The following XKR6 variants were observed in gnomAD, a reference collection of about 807,000 sequenced individuals.
XKR6 encodes the protein XK-related protein 6.
Under a neutral mutation model 56.7 loss-of-function variants are expected in XKR6, and 22 were observed. The ratio of observed to expected loss-of-function variants is 0.39; its 90% CI spans 0.28 to 0.55. The LOEUF is 0.55. Among genes scored for constraint, XKR6 ranks in the 20% least tolerant of loss-of-function variants. XKR6 has a pLI of 0.66. For missense variants in XKR6, 852 were observed against 889.0 expected (o/e 0.96, Z 0.53); for synonymous variants, 524 against 387.8 (o/e 1.35, Z -4.13).
At chr8:11,103,894 T>C (rs1798578876) in intron 1 of XKR6, among the ~76,000 whole-genome samples, 1 of 152,270 alleles carries the variant, frequency 6.6e-6, no homozygotes, top group South Asian at 2.1e-4. Flanking sequence ...TTCAAAATTT[T>C]AATGGCAAAG....
intron 1 of XKR6, among the ~76,000 whole-genome samples, chr8:11,175,757 T>C (rs73530569): frequency 0.049 from 7,402 of 152,272 alleles, 606 homozygotes; most frequent in African/African-American, 0.17. Context: ...CTATGCTTCC[T>C]TCTCCTACTA....
At chr8:10,945,862 A>T (rs962583047) in intron 1 of XKR6, among the ~76,000 whole-genome samples, 8 of 151,892 alleles carry the variant, frequency 5.3e-5, no homozygotes, top group Non-Finnish European at 1.0e-4. Context: ...AGCTCATGGG[A>T]ACTCCCAGCT....
chr8:10,911,047 A>T (rs1800342820), intron 2 of XKR6, among the ~76,000 whole-genome samples: 1 of 152,150 alleles, frequency 6.6e-6, no homozygotes, highest in African/African-American at 2.4e-5. Flanking sequence ...ATGCTCTGGA[A>T]AGGACACAGG....
chr8:10,962,740 C>T (rs1416734585), intron 1 of XKR6, among the ~76,000 whole-genome samples: 1 of 152,126 alleles, frequency 6.6e-6, no homozygotes, highest in Non-Finnish European at 1.5e-5. Context: ...ATTCTCCTGC[C>T]TCAGCCTCCC....
At chr8:10,981,788 A>G (rs1797740803) in intron 1 of XKR6, among the ~76,000 whole-genome samples, 1 of 152,242 alleles carries the variant, frequency 6.6e-6, no homozygotes, top group South Asian at 2.1e-4. Flanking sequence ...TCTTTTGCCA[A>G]TTATTCCTTC....
chr8:11,101,969 G>C, intron 1 of XKR6, among the ~76,000 whole-genome samples: 1 of 152,142 alleles, frequency 6.6e-6, no homozygotes, highest in South Asian at 2.1e-4. Flanking sequence ...ATAATGTCAC[G>C]GATGCCATCT....
chr8:11,170,955 T>C (rs1023896864), intron 1 of XKR6, among the ~76,000 whole-genome samples: 3 of 152,372 alleles, frequency 2.0e-5, no homozygotes, highest in South Asian at 2.1e-4. Flanking sequence ...CTCTGTTCTA[T>C]CACCCTTCAC....
At chr8:11,076,265 T>G (rs554209247) in intron 1 of XKR6, among the ~76,000 whole-genome samples, 87 of 152,268 alleles carry the variant, frequency 5.7e-4, no homozygotes, top group African/African-American at 2.0e-3. Flanking sequence ...ATTTTTAGTT[T>G]TACACAGCGA....
At chr8:11,028,016 T>C (rs1049879000) in intron 1 of XKR6, among the ~76,000 whole-genome samples, 2 of 152,180 alleles carry the variant, frequency 1.3e-5, no homozygotes, top group African/African-American at 4.8e-5. Flanking sequence ...GTGTTGAACA[T>C]TCTGGGAATT....
chr8:11,028,298 T>G (rs1798916413), intron 1 of XKR6, among the ~76,000 whole-genome samples: 2 of 152,230 alleles, frequency 1.3e-5, no homozygotes, highest in Admixed American at 6.5e-5. Context: ...ATTTCTTTTT[T>G]AGCACTGAAT....
intron 1 of XKR6, among the ~76,000 whole-genome samples, chr8:11,119,003 G>A (rs2129182723): frequency 6.6e-6 from 1 of 152,148 alleles, no homozygotes; most frequent in East Asian, 1.9e-4. Flanking sequence ...ATTCTGGTAT[G>A]TTGTGTCTTT....
intron 1 of XKR6, among the ~76,000 whole-genome samples, chr8:11,135,898 C>A (rs1198834113): frequency 6.6e-6 from 1 of 151,670 alleles, no homozygotes; most frequent in Non-Finnish European, 1.5e-5. Flanking sequence ...AATATTTCTC[C>A]CAAAATGCAA....
chr8:11,085,858 C>T (rs148382326), intron 1 of XKR6, among the ~76,000 whole-genome samples: 57 of 152,278 alleles, frequency 3.7e-4, no homozygotes, highest in East Asian at 1.9e-3. Context: ...CCCTACCTTG[C>T]GTCACTCAGG....
intron 1 of XKR6, among the ~76,000 whole-genome samples, chr8:11,059,079 T>C (rs1799760564): frequency 7.4e-6 from 1 of 134,814 alleles, no homozygotes. Flanking sequence ...CACCCACCTG[T>C]GCCTGAATCC....
intron 1 of XKR6, among the ~76,000 whole-genome samples, chr8:10,975,196 T>C (rs1195995771): frequency 1.3e-5 from 2 of 152,154 alleles, no homozygotes; most frequent in Non-Finnish European, 2.9e-5. Context: ...TGAGAGGAAC[T>C]AGCACCCTCC....
At chr8:11,031,690 TAGA>T (rs140307803) in intron 1 of XKR6, among the ~76,000 whole-genome samples, 7,085 of 152,230 alleles carry the variant, frequency 0.047, 540 homozygotes, top group African/African-American at 0.16. Flanking sequence ...TGCAGCATTC[TAGA>T]AGAAGACATT....
chr8:11,089,852 C>G (rs752932183), intron 1 of XKR6, among the ~76,000 whole-genome samples: 2 of 152,098 alleles, frequency 1.3e-5, no homozygotes. Flanking sequence ...GTTAATCAAT[C>G]CCATGCATAT....
rs576484328 is a variant in XKR6 at position 11,002,652 on chromosome 8, A to G, written c.765-77822T>C. On this transcript the variant is annotated intron_variant, in intron 1 of 2. Transcript: ENST00000416569. ...GGGGACACAGACGTGACAAGTCATC[A>G]TTCTCACCACGCCAACCATGGGATG... 5.7e-4 allele frequency among the ~76,000 whole-genome samples: 87 copies of G among 152,364 alleles called. 1 individual carries two copies. The highest frequency in any genetic ancestry group is 3.4e-3 in the Middle Eastern group (1 of 294).
intron 1 of XKR6, among the ~76,000 whole-genome samples, chr8:11,024,073 T>A (rs1480293802): frequency 6.6e-6 from 1 of 152,166 alleles, no homozygotes; most frequent in African/African-American, 2.4e-5. Flanking sequence ...TCCTCAAAGG[T>A]AAATGACAAT....
Sources: gnomAD v4.1 joint callset for allele counts (sites outside exome capture counted in the v4.1 genomes callset) on GRCh38, gnomAD v4.1.1 for gene constraint, MANE v1.5 for transcripts, NCBI Gene and HGNC (gene_info 2026-07-23, HGNC 2026-07-21) for gene names.